SLC43A2: variants seen among roughly 807,000 people sequenced by gnomAD.
The protein encoded by SLC43A2 is solute carrier family 43 member 2.
Under a neutral mutation model 63.2 loss-of-function variants are expected in SLC43A2, and 38 were observed. The ratio of observed to expected loss-of-function variants is 0.60; its 90% CI spans 0.46 to 0.79. SLC43A2 has a LOEUF of 0.79. Ranked by LOEUF, SLC43A2 falls within the 30% of genes least tolerant of loss-of-function variation. The probability of loss-of-function intolerance (pLI) is 0.00; values close to 1 mark genes in which losing one functional copy is unlikely to be tolerated. For synonymous variants in SLC43A2, 322 were observed against 331.0 expected (o/e 0.97, Z 0.30); for missense variants, 644 against 756.2 (o/e 0.85, Z 1.74).
At position 1,613,136 on chromosome 17, in the gene SLC43A2, C is replaced by T. The variant is rs542904005; in HGVS notation, c.501+59G>A. On this transcript the variant is annotated intron_variant, in intron 5 of 13. Transcript: ENST00000301335. ...GCAAGGAAACAGAAACCAATCAAAG[C>T]GGCCTCAAATTTAGAAACAGATTAC... 52 of 1,430,056 alleles carry T rather than the reference C, an allele frequency of 3.6e-5. No individual in the cohort carries two copies. The African/African-American group carries it at 6.0e-4, about 17-fold the overall frequency. The allele number at this position is 1,430,056 out of a possible 1,614,324, so 88.6% of individuals were successfully genotyped here.
At position 1,583,283 on chromosome 17, in the gene SLC43A2, G is replaced by A. The variant is rs2076049224; in HGVS notation, c.1271C>T (p.Ala424Val). Residue 424 changes from alanine (A) to valine (V), a missense_variant, in exon 11 of 14, where the codon GCC becomes GTC. By Grantham distance (64) the Ala-to-Val change is moderately conservative. Coordinates refer to ENST00000301335, the MANE Select transcript of SLC43A2 (RefSeq NM_152346.3). This position sits in a 1 kb window ranked among gnomAD's most constrained non-coding sequence, Gnocchi z 5.5. ...RDRQIQKITN[A>V]MRAFAFTNLL... ...GTTGGTGAAGGCGAAGGCCCGCATG[G>A]CATTAGTGATCTTCTGGATCTGCCG... 1.2e-6 allele frequency: 2 copies of A among 1,614,050 alleles called. No individual in the cohort carries two copies. The highest frequency in any genetic ancestry group is 2.7e-5 in the African/African-American group (2 of 74,936).
At chr17:1,585,536 C>G in intron 10 of SLC43A2, 2 of 565,640 alleles carry the variant, frequency 3.5e-6, no homozygotes, top group South Asian at 3.7e-5. Flanking sequence ...ATGAACCACC[C>G]TCCCTGGCCA....
At chr17:1,600,152 A>ATATATATATATATTTTT (rs1216616243) in intron 5 of SLC43A2, among the ~76,000 whole-genome samples, 9 of 60,280 alleles carry the variant, frequency 1.5e-4, no homozygotes, top group African/African-American at 4.3e-4. Flanking sequence ...ATATATATAT[A>ATATATATATATATTTTT]TTTTTTTTTT....
chr17:1,585,902 T>C lies in SLC43A2; in HGVS notation c.1217+11A>G, dbSNP rs1015158957. 3 of 1,613,676 alleles carry C rather than the reference T, an allele frequency of 1.9e-6. No homozygotes were observed. The highest frequency in any genetic ancestry group is 1.7e-4 in the Middle Eastern group (1 of 6,052). ...GGGCTGGGAGCCGGGGCACCGGCCCTGCCTACGCACTGGTTGGCGTCTTTC... is the reference window on the plus strand; with the variant it reads ...GGGCTGGGAGCCGGGGCACCGGCCCCGCCTACGCACTGGTTGGCGTCTTTC... On this transcript the variant is annotated intron_variant, in intron 10 of 13. Transcript: ENST00000301335.
Position 1,583,882 on chromosome 17 carries a change from GT to G in SLC43A2, c.1218-547del, listed in dbSNP as rs1356013964. Among the ~76,000 whole-genome samples the G allele has an allele frequency of 2.0e-5, 3 of 151,802 alleles. No homozygotes were observed. Among genetic ancestry groups the G allele is most frequent in the African/African-American group, 4.8e-5 (2 of 41,348 alleles). Reference sequence around the variant, plus strand: ...ACAGCACTGTTTTTTGTTTTGTTTTGTTTTGTTTTTTTGTTCTTTGGGTTTT... The same window carrying G: ...ACAGCACTGTTTTTTGTTTTGTTTTGTTTGTTTTTTTGTTCTTTGGGTTTT... On this transcript the variant is annotated intron_variant, in intron 10 of 13. Coordinates refer to ENST00000301335, the MANE Select transcript of SLC43A2 (RefSeq NM_152346.3). The surrounding 1 kb of genome is among the most constrained non-coding windows in gnomAD (Gnocchi z 5.5).
intron 4 of SLC43A2, among the ~76,000 whole-genome samples, chr17:1,614,705 T>G (rs1907432864): frequency 6.6e-6 from 1 of 152,118 alleles, no homozygotes; most frequent in South Asian, 2.1e-4. Context: ...TTCTTAGAAC[T>G]TGCCTCTCAG....
At position 1,575,681 on chromosome 17, in the gene SLC43A2, G is replaced by T; in HGVS notation, c.1633C>A (p.Gln545Lys). 6.2e-7 allele frequency: 1 copy of T among 1,614,152 alleles called. No homozygotes were observed. Among genetic ancestry groups the T allele is most frequent in the South Asian group, 1.1e-5 (1 of 91,086 alleles). Residue 545 changes from glutamine to lysine, a missense_variant, in exon 14 of 14, where the codon CAG becomes AAG. By Grantham distance (53) the Gln-to-Lys change is moderately conservative (BLOSUM62 1). Around this residue, in one of 3 missense-constraint regions of SLC43A2, gnomAD observed 105 missense variants for 101.7 expected, o/e 1.03. Transcript: ENST00000301335. ...TCATCCTCCTGCCTCTGCTGCAGCT[G>T]CCGCTCCAGCTGGCGCCGGTAGCAG... Reference protein sequence around the residue: ...LICYRRQLERQLQQRQEDDKL... With the variant: ...LICYRRQLERKLQQRQEDDKL...
intron 5 of SLC43A2, among the ~76,000 whole-genome samples, chr17:1,595,308 G>A (rs868735107): frequency 6.6e-6 from 1 of 151,164 alleles, no homozygotes; most frequent in African/African-American, 2.5e-5. Context: ...GAGAGAGACA[G>A]GGTCTCATTC....
chr17:1,615,056 A>C, intron 3 of SLC43A2, 22 bp from the exon 4 acceptor site: 1 of 1,613,544 alleles, frequency 6.2e-7, no homozygotes, highest in Non-Finnish European at 8.5e-7. Context: ...CAGAAACGCA[A>C]TGTTATTTAC....
rs145044836 is a variant in SLC43A2 at position 1,592,284 on chromosome 17, G to A, written c.595-585C>T. On this transcript the variant is annotated intron_variant, in intron 6 of 13. Transcript: ENST00000301335. ...TCTACTAAAAATACAAAAATTAGCC[G>A]GGCATGGTGGCGGGCACCTGTAATC... Among the ~76,000 whole-genome samples, 391 of 152,284 alleles carry A rather than the reference G, an allele frequency of 2.6e-3. 3 individuals carry two copies. The highest frequency in any genetic ancestry group is 8.7e-3 in the African/African-American group (363 of 41,552).
At chr17:1,591,731 G>GGGGGGGGGGA in intron 6 of SLC43A2, 32 bp from the exon 7 acceptor site, 1 of 787,144 alleles carries the variant, frequency 1.3e-6, no homozygotes, top group Non-Finnish European at 2.0e-6. Context: ...GGGTGGGGGG[G>GGGGGGGGGGA]GGAGGGGGCA....
chr17:1,590,978 C>G (rs759414587), intron 8 of SLC43A2, 30 bp from the exon 9 acceptor site: 1 of 1,546,578 alleles, frequency 6.5e-7, no homozygotes, highest in Middle Eastern at 2.2e-4. Flanking sequence ...GGCTCAGGGC[C>G]GGGGCACACT....
intron 5 of SLC43A2, among the ~76,000 whole-genome samples, chr17:1,598,823 G>T (rs951716871): frequency 6.6e-6 from 1 of 152,174 alleles, no homozygotes; most frequent in Non-Finnish European, 1.5e-5. Flanking sequence ...CCATGGATGA[G>T]GCCTTGCCCT....
chr17:1,598,503 G>A (rs1258513643), intron 5 of SLC43A2, among the ~76,000 whole-genome samples: 2 of 152,098 alleles, frequency 1.3e-5, no homozygotes, highest in Non-Finnish European at 2.9e-5. Context: ...GGCTCCCTTG[G>A]TGCAGGGTCA....
intron 9 of SLC43A2, chr17:1,586,850 T>C: frequency 7.5e-7 from 1 of 1,325,176 alleles, no homozygotes; most frequent in Non-Finnish European, 1.0e-6. Flanking sequence ...CCAGGAGGCA[T>C]GTCTGGAGCT....
chr17:1,615,101 T>C lies in SLC43A2; in HGVS notation c.369-67A>G, dbSNP rs535908056. 4.7e-5 allele frequency: 74 copies of C among 1,587,774 alleles called. No individual in the cohort carries two copies. The African/African-American group carries it at 8.1e-4, about 17-fold the overall frequency. ...TTTATTCAGTGTTATTGTTTTGTTT[T>C]TGTTTTTGGTTTTTGGTTTTTCTTG... is the stretch of plus-strand genomic sequence containing the variant. On this transcript the variant is annotated intron_variant, in intron 3 of 13. Coordinates refer to ENST00000301335, the MANE Select transcript of SLC43A2 (RefSeq NM_152346.3).
chr17:1,626,466 G>A (rs1229090429), intron 2 of SLC43A2, among the ~76,000 whole-genome samples: 1 of 152,144 alleles, frequency 6.6e-6, no homozygotes, highest in African/African-American at 2.4e-5. Flanking sequence ...AGTGGCTAAA[G>A]GCTAAAGGTT....
At chr17:1,600,203 T>C (rs1485842409) in intron 5 of SLC43A2, among the ~76,000 whole-genome samples, 2 of 125,464 alleles carry the variant, frequency 1.6e-5, no homozygotes, top group Non-Finnish European at 3.2e-5. Flanking sequence ...CAGGCTGGAG[T>C]GCAGTAGTGC....
chr17:1,573,173 A>G lies in SLC43A2; in HGVS notation c.*2431T>C, dbSNP rs1051241451. 1 of 110,164 alleles carries G rather than the reference A, an allele frequency of 9.1e-6. No homozygotes were observed. The highest frequency in any genetic ancestry group is 3.8e-5 in the African/African-American group (1 of 26,208). The allele number at this position is 110,164 out of a possible 1,614,324, so 6.8% of individuals were successfully genotyped here. ...GCCTGGATGGCAGAGCAAGACCCCA[A>G]CTCAAAAAAAAAAAAAAAAAAAAAA... On this transcript the variant is annotated 3_prime_UTR_variant, in exon 14 of 14. Transcript: ENST00000301335.
Sources: gnomAD v4.1 joint callset for allele counts (sites outside exome capture counted in the v4.1 genomes callset) on GRCh38, gnomAD v4.1.1 for gene constraint, gnomAD v4.1.1 regional missense constraint, Gnocchi (gnomAD v3.1) non-coding constraint, MANE v1.5 for transcripts, NCBI Gene and HGNC (gene_info 2026-07-23, HGNC 2026-07-21) for gene names.